The following CMTM4 variants were observed in gnomAD, a reference collection of about 807,000 sequenced individuals.
The protein encoded by CMTM4 is CKLF-like MARVEL transmembrane domain-containing protein 4.
A neutral mutation model predicts 19.0 loss-of-function variants in CMTM4; 8 were observed. The ratio of observed to expected loss-of-function variants is 0.42; its 90% CI spans 0.25 to 0.76. The LOEUF (loss-of-function observed/expected upper bound fraction) is 0.76, where lower values mean the gene tolerates loss of function less well. Among genes scored for constraint, CMTM4 ranks in the 30% least tolerant of loss-of-function variants. The probability of loss-of-function intolerance (pLI) is 0.27; values close to 1 mark genes in which losing one functional copy is unlikely to be tolerated. For synonymous variants in CMTM4, 106 were observed against 121.1 expected (o/e 0.88, Z 0.82); for missense variants, 228 against 290.2 (o/e 0.79, Z 1.56).
At position 66,643,138 on chromosome 16, in the gene CMTM4, C is replaced by T. The variant is rs147921338; in HGVS notation, c.187-6557G>A. Among the ~76,000 whole-genome samples, 545 of 152,282 alleles carry T rather than the reference C, an allele frequency of 3.6e-3. 2 individuals are homozygous for T. The highest frequency in any genetic ancestry group is 0.033 in the South Asian group (159 of 4,826). ...GTTTCGTCATGTTGGTCAGGCTGGT[C>T]TCAAACTCCTGACCTCAAGTGATCC... On this transcript the variant is annotated intron_variant, in intron 1 of 3. Coordinates refer to ENST00000394106, the MANE Select transcript of CMTM4 (RefSeq NM_181521.3).
At chr16:66,641,814 T>A (rs1476783528) in intron 1 of CMTM4, among the ~76,000 whole-genome samples, 1 of 152,190 alleles carries the variant, frequency 6.6e-6, no homozygotes, top group Non-Finnish European at 1.5e-5. Context: ...GAAAATAACA[T>A]GTTATAACCT....
At chr16:66,631,272 C>A (rs1286348346) in intron 2 of CMTM4, among the ~76,000 whole-genome samples, 1 of 149,594 alleles carries the variant, frequency 6.7e-6, no homozygotes, top group Admixed American at 6.6e-5. Context: ...GGGGGTCAGC[C>A]CCCCGCCCGG....
At chr16:66,680,938 T>C (rs1256595683) in intron 1 of CMTM4, among the ~76,000 whole-genome samples, 2 of 152,174 alleles carry the variant, frequency 1.3e-5, no homozygotes, top group African/African-American at 4.8e-5. Context: ...CCTGCTGCAA[T>C]AATCTCACCC....
At chr16:66,610,712 C>T (rs115301812), downstream of CMTM4, 2,291 of 397,876 alleles carry the variant, frequency 5.8e-3, 40 homozygotes, top group African/African-American at 0.036. This position sits in a 1 kb window ranked among gnomAD's most constrained non-coding sequence, Gnocchi z 4.6. Flanking sequence ...GCGGATGTGC[C>T]CCTGTGCTGG....
chr16:66,612,839 G>A (rs2015434129), downstream of CMTM4: 3 of 613,164 alleles, frequency 4.9e-6, no homozygotes, highest in Admixed American at 2.8e-5. The surrounding 1 kb of genome is among the most constrained non-coding windows in gnomAD (Gnocchi z 6.0). Flanking sequence ...TGACCACGCT[G>A]CGTATGAGGG....
chr16:66,631,281 G>A (rs1483781353), intron 2 of CMTM4, among the ~76,000 whole-genome samples: 45 of 149,336 alleles, frequency 3.0e-4, no homozygotes, highest in South Asian at 8.5e-4. Context: ...CCCCCCGCCC[G>A]GCCAGCCGCC....
At chr16:66,609,694 G>A in the CMTM4 span, 2 of 1,544,356 alleles carry the variant, frequency 1.3e-6, no homozygotes, top group Non-Finnish European at 1.7e-6. The surrounding 1 kb of genome is among the most constrained non-coding windows in gnomAD (Gnocchi z 4.4). Flanking sequence ...ACTCTACCCG[G>A]GGTTTTGAAA....
downstream of CMTM4, among the ~76,000 whole-genome samples, chr16:66,611,396 C>G (rs542355927): frequency 2.0e-5 from 3 of 152,144 alleles, no homozygotes; most frequent in Admixed American, 2.0e-4. Context: ...TTGCAGTGAC[C>G]TGAGATCAAG....
chr16:66,621,638 A>C lies in CMTM4; in HGVS notation c.*420T>G. 5 of 1,005,098 alleles carry C rather than the reference A, an allele frequency of 5.0e-6. No individual in the cohort carries two copies. The highest frequency in any genetic ancestry group is 5.9e-6 in the Non-Finnish European group (5 of 840,380). 62.3% of individuals were successfully genotyped at this position (1,005,098 alleles called of 1,614,324 possible). On this transcript the variant is annotated 3_prime_UTR_variant, in exon 4 of 4. Transcript: ENST00000394106. ...CGCAGACTCAACACTGACTTGGAGCAGGTGGTGCCTAAGGCTGCCTGAGAA... is the reference window on the plus strand; with the variant it reads ...CGCAGACTCAACACTGACTTGGAGCCGGTGGTGCCTAAGGCTGCCTGAGAA...
At position 66,615,696 on chromosome 16, in the gene CMTM4, A is replaced by G. The variant is rs2015514410; in HGVS notation, c.*6362T>C. 6.6e-6 allele frequency: 1 copy of G among 152,290 alleles called. No individual in the cohort carries two copies. The highest frequency in any genetic ancestry group is 1.5e-5 in the Non-Finnish European group (1 of 68,076). The allele number at this position is 152,290 out of a possible 1,614,324, so 9.4% of individuals were successfully genotyped here. A position where few individuals can be genotyped will look rare whatever the true frequency, so the allele number is the denominator to read the frequency against. On this transcript the variant is annotated 3_prime_UTR_variant, in exon 4 of 4. Coordinates refer to ENST00000394106, the MANE Select transcript of CMTM4 (RefSeq NM_181521.3). This position sits in a 1 kb window ranked among gnomAD's most constrained non-coding sequence, Gnocchi z 4.9. ...CTCGCACTGATTCTGGAAGGGGCCC[A>G]GGCCAGAGAATACACTTGGGCTCAG...
At chr16:66,613,064 C>A (rs1177883348), downstream of CMTM4, 8 of 702,878 alleles carry the variant, frequency 1.1e-5, no homozygotes, top group Admixed American at 1.6e-4. Flanking sequence ...CCCGCCAGGC[C>A]CCGGTGGGTT....
intron 1 of CMTM4, among the ~76,000 whole-genome samples, chr16:66,675,283 G>A (rs964674310): frequency 1.3e-5 from 2 of 151,182 alleles, no homozygotes; most frequent in Non-Finnish European, 2.9e-5. Context: ...GTTTCACTAT[G>A]TTGGCCAGGC....
intron 2 of CMTM4, among the ~76,000 whole-genome samples, chr16:66,628,052 C>T (rs1474002793): frequency 1.3e-5 from 2 of 152,182 alleles, no homozygotes; most frequent in Admixed American, 6.5e-5. Flanking sequence ...TGGATGTGCA[C>T]GTAGGCCAGA....
chr16:66,667,939 T>C (rs974359609), intron 1 of CMTM4, among the ~76,000 whole-genome samples: 1 of 152,200 alleles, frequency 6.6e-6, no homozygotes, highest in African/African-American at 2.4e-5. Context: ...CTGTTTTCTT[T>C]GCTTTATATG....
At chr16:66,632,276 G>A (rs557330033) in intron 2 of CMTM4, among the ~76,000 whole-genome samples, 5 of 152,306 alleles carry the variant, frequency 3.3e-5, no homozygotes, top group Middle Eastern at 3.4e-3. Flanking sequence ...CGGAGGCCCC[G>A]TCCCAGGCTC....
At chr16:66,609,914 C>G, downstream of CMTM4, 1 of 1,614,138 alleles carries the variant, frequency 6.2e-7, no homozygotes, top group Non-Finnish European at 8.5e-7. The surrounding 1 kb of genome is among the most constrained non-coding windows in gnomAD (Gnocchi z 4.4). Flanking sequence ...ATCGTGTTTG[C>G]AACTGATTTC....
chr16:66,614,259 A>G (rs990457681), downstream of CMTM4, among the ~76,000 whole-genome samples: 3 of 152,218 alleles, frequency 2.0e-5, no homozygotes, highest in East Asian at 5.8e-4. This position sits in a 1 kb window ranked among gnomAD's most constrained non-coding sequence, Gnocchi z 4.9. Flanking sequence ...CCCCTGCTCT[A>G]GTTCTCACAC....
chr16:66,607,869 G>GTCTC, the CMTM4 span, among the ~76,000 whole-genome samples: 1 of 150,848 alleles, frequency 6.6e-6, no homozygotes, highest in African/African-American at 2.4e-5. Context: ...TGCGGACAGG[G>GTCTC]TCTCTCTCTC....
intron 1 of CMTM4, among the ~76,000 whole-genome samples, chr16:66,647,005 C>A (rs1008251648): frequency 3.5e-4 from 53 of 151,634 alleles, no homozygotes; most frequent in African/African-American, 1.3e-3. Flanking sequence ...CCACGCCCAG[C>A]CTGGTCAGGA....
Sources: gnomAD v4.1 joint callset for allele counts (sites outside exome capture counted in the v4.1 genomes callset) on GRCh38, gnomAD v4.1.1 for gene constraint, Gnocchi (gnomAD v3.1) non-coding constraint, MANE v1.5 for transcripts, NCBI Gene and HGNC (gene_info 2026-07-23, HGNC 2026-07-21) for gene names.